ELK3: variants seen among roughly 807,000 people sequenced by gnomAD.
ELK3 encodes the protein ETS domain-containing protein Elk-3.
A neutral mutation model predicts 28.9 loss-of-function variants in ELK3; 10 were observed. The observed-to-expected ratio is 0.35, with a 90% CI of 0.21 to 0.59. The LOEUF is 0.59. Among genes scored for constraint, ELK3 ranks in the 20% least tolerant of loss-of-function variants. ELK3 has a pLI of 0.82. For synonymous variants in ELK3, 272 were observed against 243.5 expected, an observed-to-expected ratio of 1.12 and a Z score of -1.09; for missense variants, 463 against 517.3, an observed-to-expected ratio of 0.90 and a Z score of 1.02.
Position 96,223,758 on chromosome 12 carries a change from A to G in ELK3, c.192A>G (p.Arg64=). 6.2e-7 allele frequency: 1 copy of G among 1,614,110 alleles called. No homozygotes were observed. Among genetic ancestry groups the G allele is most frequent in the African/African-American group, 1.3e-5 (1 of 75,062 alleles). Residue 64 remains arginine (R), a synonymous_variant, in exon 2 of 5, where the codon CGA becomes CGG. Transcript: ENST00000228741. ...MNYDKLSRAL[R]YYYDKNIIKK... ...ATGATAAGCTGAGCAGAGCCCTGCG[A>G]TACTATTATGACAAGGTAAACCCTT...
intron 1 of ELK3, among the ~76,000 whole-genome samples, chr12:96,216,420 C>T (rs1022959800): frequency 4.6e-5 from 7 of 152,212 alleles, no homozygotes; most frequent in African/African-American, 1.7e-4. Context: ...CAAGCATTTA[C>T]GATTTTTTGT....
intron 4 of ELK3, among the ~76,000 whole-genome samples, chr12:96,265,297 AT>A (rs1361649115): frequency 1.3e-5 from 2 of 152,244 alleles, no homozygotes; most frequent in Non-Finnish European, 2.9e-5. Context: ...GAAATCAGTA[AT>A]TTATTTTGCA....
At chr12:96,201,086 A>G (rs901129860) in intron 1 of ELK3, among the ~76,000 whole-genome samples, 1 of 152,228 alleles carries the variant, frequency 6.6e-6, no homozygotes, top group African/African-American at 2.4e-5. Flanking sequence ...ATACCTTGAT[A>G]AAATATTGTG....
chr12:96,201,383 G>A (rs750593256), intron 1 of ELK3, among the ~76,000 whole-genome samples: 1 of 152,016 alleles, frequency 6.6e-6, no homozygotes, highest in Non-Finnish European at 1.5e-5. Context: ...CATTTTGGGA[G>A]GCTGAAGCAG....
At chr12:96,235,332 G>C (rs186004643) in intron 2 of ELK3, among the ~76,000 whole-genome samples, 3 of 151,764 alleles carry the variant, frequency 2.0e-5, no homozygotes, top group Non-Finnish European at 4.4e-5. Flanking sequence ...GGTGATGGCC[G>C]TGTCTGTTCC....
intron 2 of ELK3, among the ~76,000 whole-genome samples, chr12:96,226,910 C>G (rs1166565590): frequency 6.6e-6 from 1 of 152,134 alleles, no homozygotes; most frequent in Non-Finnish European, 1.5e-5. Context: ...GGAGGCATGT[C>G]AAAAAGAGAT....
chr12:96,217,752 A>T (rs1231007329), intron 1 of ELK3, among the ~76,000 whole-genome samples: 1 of 152,028 alleles, frequency 6.6e-6, no homozygotes. Flanking sequence ...CTTGGCCAAC[A>T]TGGTGAAACC....
At position 96,223,667 on chromosome 12, in the gene ELK3, A is replaced by G. The variant is rs1224172077; in HGVS notation, c.101A>G (p.Lys34Arg). The G allele has an allele frequency of 6.2e-7, 1 of 1,614,188 alleles. No individual in the cohort carries two copies. The highest frequency in any genetic ancestry group is 8.5e-7 in the Non-Finnish European group (1 of 1,180,026). ...TGGACCTCGAACGATGGTGAATTCAAGCTCCTCAAAGCAGAAGAAGTGGCC... is the reference window on the plus strand; with the variant it reads ...TGGACCTCGAACGATGGTGAATTCAGGCTCCTCAAAGCAGAAGAAGTGGCC... ...ICWTSNDGEF[K>R]LLKAEEVAKL... The change falls in exon 2 of 5, where the codon AAG (lysine) becomes AGG (arginine). Residue 34 changes from lysine to arginine, a missense_variant. Physicochemically the swap from Lys to Arg is conservative, Grantham distance 26 (BLOSUM62 2). Coordinates refer to ENST00000228741, the MANE Select transcript of ELK3 (RefSeq NM_005230.4).
chr12:96,225,378 A>G (rs1413797442), intron 2 of ELK3, among the ~76,000 whole-genome samples: 1 of 152,224 alleles, frequency 6.6e-6, no homozygotes, highest in Non-Finnish European at 1.5e-5. Context: ...CCTGGGCTGG[A>G]AATGACTGCT....
intron 1 of ELK3, among the ~76,000 whole-genome samples, chr12:96,196,943 GT>G (rs1951474130): frequency 6.6e-6 from 1 of 152,104 alleles, no homozygotes. Flanking sequence ...CGGGGTATGA[GT>G]CAGTGGACAT....
intron 3 of ELK3, among the ~76,000 whole-genome samples, chr12:96,254,857 G>A (rs1951935658): frequency 6.6e-6 from 1 of 152,098 alleles, no homozygotes; most frequent in Admixed American, 6.5e-5. Context: ...ATCAGCCTGT[G>A]GCAGGGTAGA....
chr12:96,213,168 T>A (rs1281695277), intron 1 of ELK3, among the ~76,000 whole-genome samples: 1 of 152,200 alleles, frequency 6.6e-6, no homozygotes, highest in East Asian at 1.9e-4. Context: ...ATATAAGCCT[T>A]TGGCGCAGTG....
rs1184019350 is a variant in ELK3, at chr12:96,233,047, TCTTGGCA to T, written c.207+9275_207+9281del. Among the ~76,000 whole-genome samples, 13 of 152,194 alleles carry T rather than the reference TCTTGGCA, an allele frequency of 8.5e-5. 1 individual carries two copies. Among genetic ancestry groups the T allele is most frequent in the Non-Finnish European group, 1.6e-4 (11 of 68,030 alleles). ...AAAAATCTGTGTCTCCTCTTACTGT[TCTTGGCA>T]TGGATCATTTTACACCCAACCATAC... On this transcript the variant is annotated intron_variant, in intron 2 of 4. Coordinates refer to ENST00000228741, the MANE Select transcript of ELK3 (RefSeq NM_005230.4).
chr12:96,234,865 C>T (rs939010236), intron 2 of ELK3, among the ~76,000 whole-genome samples: 5 of 152,196 alleles, frequency 3.3e-5, no homozygotes, highest in Non-Finnish European at 2.9e-5. Flanking sequence ...TGGAGGGCGA[C>T]ACAGCTCCAG....
chr12:96,241,801 G>C (rs1454010741), intron 2 of ELK3, among the ~76,000 whole-genome samples: 1 of 152,160 alleles, frequency 6.6e-6, no homozygotes, highest in Non-Finnish European at 1.5e-5. Flanking sequence ...ATTAATTTTG[G>C]TATCTGGTCC....
intron 1 of ELK3, among the ~76,000 whole-genome samples, chr12:96,216,243 C>T (rs965167880): frequency 3.2e-4 from 48 of 152,130 alleles, no homozygotes; most frequent in Non-Finnish European, 5.4e-4. Context: ...CCTTCCTGCT[C>T]CAGAGAAACC....
chr12:96,230,087 A>G lies in ELK3; in HGVS notation c.207+6314A>G, dbSNP rs140953824. 2.6e-3 allele frequency among the ~76,000 whole-genome samples: 389 copies of G among 152,316 alleles called. 9 individuals carry two copies. The highest frequency in any genetic ancestry group is 0.024 in the Admixed American group (360 of 15,298). ...TATATAACAGCGGTCCCATAAGACT[A>G]TAATTCCATATTTTTACTGTACCTT... On this transcript the variant is annotated intron_variant, in intron 2 of 4. Transcript: ENST00000228741.
chr12:96,248,796 A>T (rs1032817924), intron 3 of ELK3, among the ~76,000 whole-genome samples: 1 of 152,174 alleles, frequency 6.6e-6, no homozygotes, highest in African/African-American at 2.4e-5. Context: ...GATGCTTTAC[A>T]TGCATTGCCT....
chr12:96,228,415 T>TAAAAAAAAAAAAAAAAAA (rs1951719098), intron 2 of ELK3, among the ~76,000 whole-genome samples: 3 of 32,932 alleles, frequency 9.1e-5, no homozygotes, highest in African/African-American at 2.0e-4. Context: ...AGACTCTGTG[T>TAAAAAAAAAAAAAAAAAA]CAAAAAAAAA....
Sources: gnomAD v4.1 joint callset for allele counts (sites outside exome capture counted in the v4.1 genomes callset) on GRCh38, gnomAD v4.1.1 for gene constraint, MANE v1.5 for transcripts, NCBI Gene and HGNC (gene_info 2026-07-23, HGNC 2026-07-21) for gene names.